The following CRY1 variants were observed in gnomAD, a reference collection of about 807,000 sequenced individuals.
CRY1 encodes the protein cryptochrome-1.
A neutral mutation model predicts 76.0 loss-of-function variants in CRY1; 45 were observed. That is an observed-to-expected ratio of 0.59 (90% CI 0.47 to 0.76). CRY1 has a LOEUF of 0.76. CRY1 is among the 30% of genes least tolerant of loss of function. CRY1 has a pLI of 0.00. For missense variants in CRY1, 587 were observed against 716.4 expected (o/e 0.82, Z 2.06); for synonymous variants, 248 against 244.0 (o/e 1.02, Z -0.15).
intron 1 of CRY1, among the ~76,000 whole-genome samples, chr12:107,022,857 A>G (rs1952573759): frequency 6.6e-6 from 1 of 151,936 alleles, no homozygotes; most frequent in Non-Finnish European, 1.5e-5. Flanking sequence ...AAAAAAAAAA[A>G]AAAGAAAAGG....
At chr12:107,088,151 C>T (rs1314785450) in intron 1 of CRY1, among the ~76,000 whole-genome samples, 1 of 152,004 alleles carries the variant, frequency 6.6e-6, no homozygotes, top group East Asian at 1.9e-4. Flanking sequence ...AAATGTTATC[C>T]CCAATGTTGG....
chr12:107,053,631 CAAA>C (rs1356898635), intron 1 of CRY1, among the ~76,000 whole-genome samples: 1 of 151,880 alleles, frequency 6.6e-6, no homozygotes, highest in African/African-American at 2.4e-5. Flanking sequence ...AATGTATTTC[CAAA>C]AAGAGAAAAT....
intron 1 of CRY1, among the ~76,000 whole-genome samples, chr12:107,048,730 A>G (rs954083694): frequency 6.6e-6 from 1 of 152,168 alleles, no homozygotes. Flanking sequence ...TGTTAACTTC[A>G]GCTATCGTAT....
rs753452380 is a variant in CRY1, at chr12:106,999,589, G to T, written c.1099C>A (p.Arg367=). The change falls in exon 7 of 13, where the codon CGA becomes AGA. Residue 367 remains arginine (R), a synonymous_variant. Transcript: ENST00000008527. ...TCCCAACTAATCCACAGGTCCCCTC[G>T]TGTCAGGAAGCAAGCAACTGCATGC... The part of the protein sequence containing the change: ...ARHAVACFLT[R]GDLWISWEEG... The T allele has an allele frequency of 6.2e-7, 1 of 1,614,046 alleles. No homozygotes were observed. Among genetic ancestry groups the T allele is most frequent in the Non-Finnish European group, 8.5e-7 (1 of 1,180,000 alleles).
intron 1 of CRY1, among the ~76,000 whole-genome samples, chr12:107,052,412 T>C (rs537315199): frequency 6.6e-6 from 1 of 152,300 alleles, no homozygotes; most frequent in African/African-American, 2.4e-5. Flanking sequence ...CTGTACTAGA[T>C]ATTAGAAACA....
At chr12:107,022,222 TTAAAAAA>T in intron 1 of CRY1, 30 bp from the exon 2 acceptor site, 5 of 1,294,660 alleles carry the variant, frequency 3.9e-6, no homozygotes, top group Non-Finnish European at 3.2e-6. Context: ...ATTTAAATTA[TTAAAAAA>T]TACATATTTA....
chr12:107,024,627 T>C (rs1432099721), intron 1 of CRY1, among the ~76,000 whole-genome samples: 1 of 152,162 alleles, frequency 6.6e-6, no homozygotes, highest in Non-Finnish European at 1.5e-5. Context: ...TCCTCCCACC[T>C]CAGCCTCCCG....
intron 2 of CRY1, among the ~76,000 whole-genome samples, chr12:107,009,420 T>C (rs769000717): frequency 1.3e-5 from 2 of 151,638 alleles, no homozygotes; most frequent in African/African-American, 2.4e-5. Flanking sequence ...GTGCCTGTAA[T>C]TCCAGCTACT....
At chr12:107,052,136 G>T (rs938088154) in intron 1 of CRY1, among the ~76,000 whole-genome samples, 1 of 151,872 alleles carries the variant, frequency 6.6e-6, no homozygotes, top group Non-Finnish European at 1.5e-5. Context: ...TAAAGAGAAA[G>T]ACAAGAAAAA....
At chr12:107,029,395 C>A (rs555125255) in intron 1 of CRY1, among the ~76,000 whole-genome samples, 72 of 152,012 alleles carry the variant, frequency 4.7e-4, no homozygotes, top group Admixed American at 2.0e-3. Context: ...AGTTTGAGAC[C>A]AGCCTGAGCA....
chr12:107,077,233 C>T (rs1191132565), intron 1 of CRY1, among the ~76,000 whole-genome samples: 1 of 152,150 alleles, frequency 6.6e-6, no homozygotes, highest in Admixed American at 6.5e-5. Context: ...TTAAAGTTGT[C>T]TTTCCTTTGT....
chr12:107,031,497 C>T (rs1952674163), intron 1 of CRY1, among the ~76,000 whole-genome samples: 1 of 151,746 alleles, frequency 6.6e-6, no homozygotes, highest in Non-Finnish European at 1.5e-5. Flanking sequence ...AATAAAATCT[C>T]TCCTTGAATG....
chr12:107,002,880 TGTCATCCATGTAA>T (rs1253486973), intron 3 of CRY1, among the ~76,000 whole-genome samples: 2 of 152,184 alleles, frequency 1.3e-5, no homozygotes, highest in African/African-American at 4.8e-5. Context: ...CCTTGCCTGC[TGTCATCCATGTAA>T]GACATGACTT....
intron 10 of CRY1, among the ~76,000 whole-genome samples, chr12:106,995,996 A>G (rs1478165144): frequency 6.6e-6 from 1 of 152,156 alleles, no homozygotes; most frequent in Non-Finnish European, 1.5e-5. Flanking sequence ...GGCATGCGCT[A>G]CCACGCCCGG....
intron 1 of CRY1, among the ~76,000 whole-genome samples, chr12:107,027,515 G>A (rs1198329783): frequency 1.3e-5 from 2 of 152,022 alleles, no homozygotes; most frequent in Admixed American, 1.3e-4. Context: ...CTACATAGAA[G>A]CACAGTCCTC....
Position 107,065,164 on chromosome 12 carries a change from C to T in CRY1, c.158+27640G>A, listed in dbSNP as rs147301434. Among the ~76,000 whole-genome samples, 656 of 152,178 alleles carry T rather than the reference C, an allele frequency of 4.3e-3. 3 individuals carry two copies. The highest frequency in any genetic ancestry group is 0.015 in the African/African-American group (617 of 41,530). ...TACAAAAATCAGTCAGGCATGGTGGCACGCGTCTGCAATTCCAGCTACTCA... is the reference window on the plus strand; with the variant it reads ...TACAAAAATCAGTCAGGCATGGTGGTACGCGTCTGCAATTCCAGCTACTCA... On this transcript the variant is annotated intron_variant, in intron 1 of 12. Transcript: ENST00000008527.
chr12:107,024,334 T>C (rs1952585819), intron 1 of CRY1, among the ~76,000 whole-genome samples: 1 of 151,848 alleles, frequency 6.6e-6, no homozygotes, highest in Non-Finnish European at 1.5e-5. Context: ...AATGAAGAAT[T>C]AAGTATGGAT....
chr12:107,000,915 G>T (rs1952301420), intron 5 of CRY1, among the ~76,000 whole-genome samples: 1 of 152,164 alleles, frequency 6.6e-6, no homozygotes, highest in Admixed American at 6.6e-5. Flanking sequence ...CTCCCAAAGT[G>T]CTGGGATTAC....
At chr12:107,008,973 T>A (rs1002133096) in intron 2 of CRY1, among the ~76,000 whole-genome samples, 1 of 152,220 alleles carries the variant, frequency 6.6e-6, no homozygotes, top group Non-Finnish European at 1.5e-5. Flanking sequence ...TACATCTCTT[T>A]CCTTTATAAA....
Sources: allele counts gnomAD v4.1 joint callset (sites outside exome capture counted in the v4.1 genomes callset), GRCh38; gene constraint gnomAD v4.1.1; transcripts MANE v1.5; gene names NCBI Gene and HGNC (gene_info 2026-07-23, HGNC 2026-07-21).